The following PCDH9 variants were observed in gnomAD, a reference collection of about 807,000 sequenced individuals.
PCDH9 encodes protocadherin-9.
In PCDH9, 24 loss-of-function variants were observed where a neutral mutation model predicts 70.6. The observed-to-expected ratio is 0.34, with a 90% CI of 0.25 to 0.48. PCDH9 has a LOEUF of 0.48. Ranked by LOEUF, PCDH9 falls within the 20% of genes least tolerant of loss-of-function variation. The probability of loss-of-function intolerance (pLI) is 0.99; values close to 1 mark genes in which losing one functional copy is unlikely to be tolerated. For synonymous variants in PCDH9, 562 were observed against 558.5 expected, an observed-to-expected ratio of 1.01 and a Z score of -0.09; for missense variants, 1,281 against 1,503.6, an observed-to-expected ratio of 0.85 and a Z score of 2.45.
At chr13:66,664,728 T>C (rs1215694058) in intron 3 of PCDH9, among the ~76,000 whole-genome samples, 1 of 152,170 alleles carries the variant, frequency 6.6e-6, no homozygotes, top group Non-Finnish European at 1.5e-5. Flanking sequence ...TTAACATTTT[T>C]AGCCTGTATG....
intron 2 of PCDH9, among the ~76,000 whole-genome samples, chr13:67,178,399 A>G (rs2088523770): frequency 6.6e-6 from 1 of 152,114 alleles, no homozygotes; most frequent in Non-Finnish European, 1.5e-5. Flanking sequence ...TTAGCACACA[A>G]TAACTATTTA....
At chr13:67,032,680 C>T (rs2084931421) in intron 2 of PCDH9, among the ~76,000 whole-genome samples, 1 of 152,102 alleles carries the variant, frequency 6.6e-6, no homozygotes, top group Non-Finnish European at 1.5e-5. Flanking sequence ...AATGTCCATG[C>T]TATTTATTTT....
At chr13:66,452,414 C>T (rs1958232096) in intron 4 of PCDH9, among the ~76,000 whole-genome samples, 1 of 152,122 alleles carries the variant, frequency 6.6e-6, no homozygotes, top group Non-Finnish European at 1.5e-5. Flanking sequence ...TCCCCATAGC[C>T]CAAACTCAAA....
At chr13:67,151,009 G>A (rs1474790544) in intron 2 of PCDH9, among the ~76,000 whole-genome samples, 1 of 152,128 alleles carries the variant, frequency 6.6e-6, no homozygotes, top group African/African-American at 2.4e-5. Context: ...CATAAGACTA[G>A]ATTCAACATG....
intron 4 of PCDH9, among the ~76,000 whole-genome samples, chr13:66,388,337 T>G (rs1956964705): frequency 6.6e-6 from 1 of 152,166 alleles, no homozygotes; most frequent in Admixed American, 6.5e-5. Flanking sequence ...TTCAGTGAAC[T>G]GATTTTAGTT....
chr13:66,787,203 C>T (rs771552671), intron 3 of PCDH9, among the ~76,000 whole-genome samples: 1 of 152,132 alleles, frequency 6.6e-6, no homozygotes, highest in Admixed American at 6.6e-5. Flanking sequence ...TAGACACTAC[C>T]TCTGATGCAC....
At chr13:66,659,475 A>G (rs1367164185) in intron 3 of PCDH9, among the ~76,000 whole-genome samples, 2 of 151,986 alleles carry the variant, frequency 1.3e-5, no homozygotes, top group Admixed American at 6.6e-5. Flanking sequence ...CTGCTAAAAT[A>G]GGCCTTGGAA....
chr13:67,112,471 T>C (rs2086676108), intron 2 of PCDH9, among the ~76,000 whole-genome samples: 1 of 152,158 alleles, frequency 6.6e-6, no homozygotes, highest in Non-Finnish European at 1.5e-5. Context: ...CTCTGCATCA[T>C]AATCTTGCAT....
At chr13:66,791,264 A>G (rs1368037556) in intron 3 of PCDH9, among the ~76,000 whole-genome samples, 1 of 152,124 alleles carries the variant, frequency 6.6e-6, no homozygotes, top group Non-Finnish European at 1.5e-5. Flanking sequence ...TTAATGTTTG[A>G]CAATTATTAG....
chr13:67,224,706 C>A (rs1593650535), intron 2 of PCDH9: 1 of 486,166 alleles, frequency 2.1e-6, no homozygotes. Context: ...CTTTTTAAAT[C>A]AGTTATATTA....
intron 4 of PCDH9, among the ~76,000 whole-genome samples, chr13:66,590,030 T>C (rs2077018347): frequency 1.3e-5 from 2 of 152,004 alleles, no homozygotes; most frequent in South Asian, 4.2e-4. Flanking sequence ...CATGAACCAA[T>C]TGGCTGCCTT....
intron 3 of PCDH9, among the ~76,000 whole-genome samples, chr13:66,891,838 T>A (rs1463141033): frequency 1.3e-5 from 2 of 151,922 alleles, no homozygotes; most frequent in South Asian, 2.1e-4. Context: ...TTTTGTTTTA[T>A]GTTTTGGTTT....
intron 2 of PCDH9, among the ~76,000 whole-genome samples, chr13:66,939,446 G>GTGTGTA (rs1263527971): frequency 5.9e-5 from 9 of 151,846 alleles, no homozygotes; most frequent in Admixed American, 5.9e-4. Context: ...GTGTGTGTGT[G>GTGTGTA]TGTGTGTGTG....
At chr13:66,772,528 T>C (rs1275703947) in intron 3 of PCDH9, among the ~76,000 whole-genome samples, 1 of 152,170 alleles carries the variant, frequency 6.6e-6, no homozygotes, top group Non-Finnish European at 1.5e-5. Context: ...TGGAATTGTC[T>C]CTGATAAAAT....
At chr13:66,691,849 G>A (rs535711681) in intron 3 of PCDH9, among the ~76,000 whole-genome samples, 1 of 152,276 alleles carries the variant, frequency 6.6e-6, no homozygotes, top group South Asian at 2.1e-4. Context: ...ATCATGGTCA[G>A]TGCCTTTATT....
intron 2 of PCDH9, among the ~76,000 whole-genome samples, chr13:67,063,134 G>A (rs1276275517): frequency 6.6e-6 from 1 of 152,150 alleles, no homozygotes; most frequent in Non-Finnish European, 1.5e-5. Context: ...TGGCTCTATT[G>A]TTAATTGTAC....
At chr13:66,380,704 C>T (rs373338000) in intron 4 of PCDH9, among the ~76,000 whole-genome samples, 411 of 152,048 alleles carry the variant, frequency 2.7e-3, no homozygotes, top group African/African-American at 9.3e-3. Context: ...CCACCACGCC[C>T]GGCTAATTTT....
At chr13:66,801,079 C>T (rs140466493) in intron 3 of PCDH9, among the ~76,000 whole-genome samples, 46 of 148,936 alleles carry the variant, frequency 3.1e-4, no homozygotes, top group African/African-American at 1.0e-3. Context: ...GCTGAAACCT[C>T]GAGGAGGGGG....
chr13:67,149,305 C>T (rs1237167761), intron 2 of PCDH9, among the ~76,000 whole-genome samples: 2 of 152,120 alleles, frequency 1.3e-5, no homozygotes, highest in African/African-American at 4.8e-5. Context: ...TGGAATTCTG[C>T]TTTACTTCCT....
Sources: allele counts gnomAD v4.1 joint callset (sites outside exome capture counted in the v4.1 genomes callset), GRCh38; gene constraint gnomAD v4.1.1; transcripts MANE v1.5; gene names NCBI Gene and HGNC (gene_info 2026-07-23, HGNC 2026-07-21).